ABCC4: variants seen among roughly 807,000 people sequenced by gnomAD.
ABCC4 encodes the protein ATP binding cassette subfamily C member 4 (PEL blood group), also known as ATP-binding cassette sub-family C member 4.
ABCC4 carries 102 observed loss-of-function variants against 168.5 expected under a neutral mutation model. That is an observed-to-expected ratio of 0.61 (90% CI 0.52 to 0.71). The LOEUF (loss-of-function observed/expected upper bound fraction) is 0.71, where lower values mean the gene tolerates loss of function less well. ABCC4 is among the 30% of genes least tolerant of loss of function. The pLI, the probability that ABCC4 is intolerant of heterozygous loss-of-function variation, is 0.00. For missense variants in ABCC4, 1,402 were observed against 1,605.8 expected (o/e 0.87, Z 2.17); for synonymous variants, 617 against 590.7 (o/e 1.04, Z -0.65).
At chr13:95,200,039 A>G (rs1417545962) in intron 8 of ABCC4, among the ~76,000 whole-genome samples, 1 of 152,208 alleles carries the variant, frequency 6.6e-6, no homozygotes, top group East Asian at 1.9e-4. Flanking sequence ...AAAGACAATG[A>G]CACATGAGCA....
rs267603866 is a variant in ABCC4 at position 95,210,775 on chromosome 13, G to A, written c.538C>T (p.Arg180Cys). ...TTCCCCATGGCCATGTTACTAAGAC[G>A]AAGTGCCTGAAATAAAAGAGGTAAG... is the stretch of plus-strand genomic sequence containing the variant. ...MCHMIYRKAL[R>C]LSNMAMGKTT... The change falls in exon 5 of 31, where the codon CGT becomes TGT. Residue 180 changes from arginine to cysteine, a missense_variant. Physicochemically the swap from Arg to Cys is radical, Grantham distance 180 (BLOSUM62 -3). This residue lies in a region of ABCC4 where 317 missense variants were observed against 345.5 expected (regional missense o/e 0.92). Transcript: ENST00000645237. 18 of 1,612,710 alleles carry A rather than the reference G, an allele frequency of 1.1e-5. No individual in the cohort carries two copies. Among genetic ancestry groups the A allele is most frequent in the South Asian group, 6.6e-5 (6 of 90,980 alleles).
At chr13:95,178,196 T>C (rs78750177) in intron 11 of ABCC4, 105 bp from the exon 12 acceptor site, 1 of 964,876 alleles carries the variant, frequency 1.0e-6, no homozygotes, top group Non-Finnish European at 1.6e-6. Flanking sequence ...ACATTAGTTC[T>C]TCAGAAATTT....
At chr13:95,062,886 T>TAA in intron 25 of ABCC4, 27 bp from the exon 26 acceptor site, 1 of 1,371,084 alleles carries the variant, frequency 7.3e-7, no homozygotes, top group Non-Finnish European at 9.6e-7. Context: ...GCGGCAGGAT[T>TAA]AAAAAAAAAA....
intron 14 of ABCC4, chr13:95,170,118 A>C (rs1594226075): frequency 6.5e-6 from 1 of 154,584 alleles, no homozygotes; most frequent in African/African-American, 2.4e-5. Context: ...TCGGCCTCCC[A>C]AAGTGCTGGG....
chr13:95,211,722 A>G (rs1191036494), intron 4 of ABCC4, among the ~76,000 whole-genome samples: 2 of 152,180 alleles, frequency 1.3e-5, no homozygotes, highest in Non-Finnish European at 2.9e-5. Context: ...GAGAAACTCA[A>G]CTTAAGGAAG....
At chr13:95,185,568 C>A (rs556818788) in intron 11 of ABCC4, among the ~76,000 whole-genome samples, 1 of 152,328 alleles carries the variant, frequency 6.6e-6, no homozygotes, top group African/African-American at 2.4e-5. Flanking sequence ...TGCATCACAC[C>A]TGTGACAGTC....
intron 20 of ABCC4, among the ~76,000 whole-genome samples, chr13:95,091,699 A>C (rs1251379726): frequency 6.6e-6 from 1 of 152,218 alleles, no homozygotes; most frequent in African/African-American, 2.4e-5. Context: ...AAACTCTTTA[A>C]AGCATAAATC....
intron 4 of ABCC4, among the ~76,000 whole-genome samples, chr13:95,226,384 C>A (rs1418724990): frequency 6.6e-6 from 1 of 152,054 alleles, no homozygotes; most frequent in Non-Finnish European, 1.5e-5. Flanking sequence ...TAGATTCTAT[C>A]CATCTGACTA....
chr13:95,178,175 C>A, intron 11 of ABCC4, 84 bp from the exon 12 acceptor site: 1 of 1,234,788 alleles, frequency 8.1e-7, no homozygotes, highest in Non-Finnish European at 1.2e-6. Flanking sequence ...CAAAGTTATC[C>A]TAAACTTTGC....
chr13:95,115,085 A>T (rs1416570992), intron 20 of ABCC4, among the ~76,000 whole-genome samples: 1 of 152,212 alleles, frequency 6.6e-6, no homozygotes, highest in Non-Finnish European at 1.5e-5. Context: ...TGGGAAAAAA[A>T]AAGTGCCCCA....
chr13:95,090,065 T>C (rs1421930564), intron 20 of ABCC4, among the ~76,000 whole-genome samples: 1 of 152,062 alleles, frequency 6.6e-6, no homozygotes, highest in African/African-American at 2.4e-5. Context: ...TTGAAGGAAG[T>C]GGACTGCTAC....
At chr13:95,206,015 G>A (rs936534921) in intron 8 of ABCC4, among the ~76,000 whole-genome samples, 2 of 152,158 alleles carry the variant, frequency 1.3e-5, no homozygotes, top group Non-Finnish European at 2.9e-5. Context: ...AATGGCAGAG[G>A]TCCTAAAGGC....
At chr13:95,031,734 T>G (rs1249705791) in intron 30 of ABCC4, among the ~76,000 whole-genome samples, 2 of 152,336 alleles carry the variant, frequency 1.3e-5, no homozygotes, top group Middle Eastern at 3.4e-3. Context: ...AGATTCCTAA[T>G]TCTGTCTCTG....
At chr13:95,195,076 G>C (rs1678381) in intron 8 of ABCC4, 139 bp from the exon 9 acceptor site, 12 of 638,584 alleles carry the variant, frequency 1.9e-5, no homozygotes, top group Middle Eastern at 3.2e-4. Flanking sequence ...TTAAAGTATC[G>C]GTTCACATCA....
intron 19 of ABCC4, among the ~76,000 whole-genome samples, chr13:95,146,639 T>A (rs879431070): frequency 6.6e-6 from 1 of 152,154 alleles, no homozygotes; most frequent in Admixed American, 6.5e-5. Context: ...AACAAGAGTA[T>A]TGGGCAAGAA....
chr13:95,107,149 C>T (rs370025059), intron 20 of ABCC4, among the ~76,000 whole-genome samples: 66 of 151,912 alleles, frequency 4.3e-4, no homozygotes, highest in Middle Eastern at 3.4e-3. Context: ...CCCAGCTACC[C>T]GGGAGGCTGA....
chr13:95,153,402 T>C, intron 19 of ABCC4, among the ~76,000 whole-genome samples: 1 of 152,128 alleles, frequency 6.6e-6, no homozygotes, highest in African/African-American at 2.4e-5. Flanking sequence ...AATCAGTTAA[T>C]GGGGGGGCGT....
Position 95,205,406 on chromosome 13 carries a change from C to T in ABCC4, c.1161+1126G>A, listed in dbSNP as rs139216734. The stretch of plus-strand genomic sequence containing the variant: ...GTCAGCTAAGTTCACTCGAGTCTGT[C>T]CTTGGGCATCCATCTCTATTAAGAA... On this transcript the variant is annotated intron_variant, in intron 8 of 30. Coordinates refer to ENST00000645237, the MANE Select transcript of ABCC4 (RefSeq NM_005845.5). Among the ~76,000 whole-genome samples the T allele has an allele frequency of 2.7e-3, 417 of 152,324 alleles. 4 individuals carry two copies. Among genetic ancestry groups the T allele is most frequent in the African/African-American group, 9.6e-3 (400 of 41,566 alleles).
chr13:95,231,764 T>G (rs1169029374), intron 4 of ABCC4, among the ~76,000 whole-genome samples: 1 of 152,186 alleles, frequency 6.6e-6, no homozygotes, highest in Non-Finnish European at 1.5e-5. Context: ...GCTGACAAAT[T>G]AATACCTTTG....
Sources: allele counts gnomAD v4.1 joint callset (sites outside exome capture counted in the v4.1 genomes callset), GRCh38; gene constraint gnomAD v4.1.1; regional missense constraint gnomAD v4.1.1; transcripts MANE v1.5; gene names NCBI Gene and HGNC (gene_info 2026-07-23, HGNC 2026-07-21).